Variants in PAK2 observed in about 807,000 individuals in gnomAD.
PAK2 encodes serine/threonine-protein kinase PAK 2.
A neutral mutation model predicts 65.9 loss-of-function variants in PAK2; 21 were observed. The observed-to-expected ratio is 0.32, with a 90% confidence interval of 0.23 to 0.46. PAK2 has a LOEUF of 0.46. Ranked by LOEUF, PAK2 falls within the 20% of genes least tolerant of loss-of-function variation. The probability of loss-of-function intolerance (pLI) is 1.00; values close to 1 mark genes in which losing one functional copy is unlikely to be tolerated. For missense variants in PAK2, 324 were observed against 642.6 expected (o/e 0.50, Z 5.36); for synonymous variants, 204 against 219.7 (o/e 0.93, Z 0.63).
chr3:196,777,341 CT>C (rs1714568994), intron 1 of PAK2, among the ~76,000 whole-genome samples: 1 of 152,036 alleles, frequency 6.6e-6, no homozygotes, highest in East Asian at 1.9e-4. Flanking sequence ...GTAGCTGGGA[CT>C]ACAGACACGC....
intron 7 of PAK2, among the ~76,000 whole-genome samples, chr3:196,808,664 ACTAGCCTGG>A (rs1715671067): frequency 6.6e-6 from 1 of 151,902 alleles, no homozygotes; most frequent in Non-Finnish European, 1.5e-5. Flanking sequence ...CAGGAGCAAG[ACTAGCCTGG>A]CCAATGTGGC....
intron 1 of PAK2, among the ~76,000 whole-genome samples, chr3:196,769,076 CA>C: frequency 6.6e-6 from 1 of 152,112 alleles, no homozygotes; most frequent in African/African-American, 2.4e-5. Context: ...CCTATAATCC[CA>C]GCAATTTGGG....
In PAK2 at chr3:196,775,065, A is replaced by G. The variant is rs2108733163; in HGVS notation, c.-21-7561A>G. On this transcript the variant is annotated intron_variant, in intron 1 of 14. Transcript: ENST00000327134. ...CAGTATTGTATCCAAGGCCATGCTTATATTTATTGAGATCTAGTCACTCGT... is the reference window on the plus strand; with the variant it reads ...CAGTATTGTATCCAAGGCCATGCTTGTATTTATTGAGATCTAGTCACTCGT... 2.6e-5 allele frequency among the ~76,000 whole-genome samples: 4 copies of G among 152,296 alleles called. No homozygotes were observed. The Middle Eastern group carries it at 0.014, about 518-fold the overall frequency.
chr3:196,827,395 C>T (rs62410763), intron 14 of PAK2, 62 bp downstream of exon 14: 375,532 of 1,558,352 alleles, frequency 0.24, 49,026 homozygotes, highest in African/African-American at 0.42. Context: ...CGACAGAAAG[C>T]TTTCCTAGGG....
intron 1 of PAK2, among the ~76,000 whole-genome samples, chr3:196,775,018 G>C (rs1714490410): frequency 6.6e-6 from 1 of 152,192 alleles, no homozygotes; most frequent in African/African-American, 2.4e-5. Flanking sequence ...TAAATCCCCA[G>C]CTAAGCAGCT....
In PAK2 at chr3:196,817,503, A is replaced by G. The variant is rs576852211; in HGVS notation, c.1054-554A>G. Among the ~76,000 whole-genome samples, 3 of 152,108 alleles carry G rather than the reference A, an allele frequency of 2.0e-5. No homozygotes were observed. The South Asian group carries it at 6.2e-4, about 32-fold the overall frequency. On this transcript the variant is annotated intron_variant, in intron 11 of 14. Transcript: ENST00000327134. ...GCAGCTGGGGTTACAGGTGCACACC[A>G]CCACACCCAGCTGTTTTCTTTGTAT...
At chr3:196,767,337 C>T (rs972054640) in intron 1 of PAK2, among the ~76,000 whole-genome samples, 2 of 152,104 alleles carry the variant, frequency 1.3e-5, no homozygotes, top group African/African-American at 4.8e-5. Flanking sequence ...TACTCCTAAA[C>T]ACTGTGTTAT....
At chr3:196,818,304 G>A in intron 12 of PAK2, 148 bp downstream of exon 12, 1 of 525,500 alleles carries the variant, frequency 1.9e-6, no homozygotes. Context: ...TCCTCTGAGG[G>A]TTTTAACTAA....
chr3:196,761,957 G>C (rs1184734247), intron 1 of PAK2, among the ~76,000 whole-genome samples: 2 of 124,552 alleles, frequency 1.6e-5, no homozygotes, highest in African/African-American at 6.0e-5. Context: ...GCTGCCGGGC[G>C]GAGGGGCTCC....
At chr3:196,799,245 G>T (rs1715347431) in intron 2 of PAK2, among the ~76,000 whole-genome samples, 1 of 152,148 alleles carries the variant, frequency 6.6e-6, no homozygotes, top group African/African-American at 2.4e-5. Flanking sequence ...TTTCTTTATG[G>T]CTGCAATGAA....
chr3:196,767,986 T>A (rs1714230267), intron 1 of PAK2, among the ~76,000 whole-genome samples: 1 of 152,000 alleles, frequency 6.6e-6, no homozygotes, highest in African/African-American at 2.4e-5. Flanking sequence ...TGAATAAACT[T>A]CTTGGTGAAG....
chr3:196,815,231 CTG>C, intron 11 of PAK2, among the ~76,000 whole-genome samples: 1 of 151,840 alleles, frequency 6.6e-6, no homozygotes, highest in East Asian at 1.9e-4. Flanking sequence ...TGGCTCATGC[CTG>C]TAATCCTAGC....
intron 13 of PAK2, among the ~76,000 whole-genome samples, chr3:196,821,823 A>C (rs1457840240): frequency 6.6e-6 from 1 of 152,244 alleles, no homozygotes; most frequent in Non-Finnish European, 1.5e-5. Flanking sequence ...CAGATGACCT[A>C]GCGGTTCCTC....
At chr3:196,812,119 T>G in intron 8 of PAK2, 100 bp from the exon 9 acceptor site, 1 of 765,244 alleles carries the variant, frequency 1.3e-6, no homozygotes, top group Non-Finnish European at 2.4e-6. Flanking sequence ...CATCCTGTTC[T>G]TTAATTCTTT....
At chr3:196,763,503 G>C (rs549050051) in intron 1 of PAK2, among the ~76,000 whole-genome samples, 108 of 152,218 alleles carry the variant, frequency 7.1e-4, no homozygotes, top group Non-Finnish European at 1.2e-3. Context: ...TTTCGGAATG[G>C]ACAGAAATGA....
At position 196,817,905 on chromosome 3, in the gene PAK2, A is replaced by G. The variant is rs191973836; in HGVS notation, c.1054-152A>G. On this transcript the variant is annotated intron_variant, in intron 11 of 14. Coordinates refer to ENST00000327134, the MANE Select transcript of PAK2 (RefSeq NM_002577.4). ...ATCTAATTACTTTTCATAACTTTGT[A>G]TATAAGAGAGGATGTTTTTTCTTTA... The G allele has an allele frequency of 2.8e-4, 129 of 467,064 alleles. 1 individual carries two copies. Among genetic ancestry groups the G allele is most frequent in the African/African-American group, 1.8e-3 (92 of 50,762 alleles). The allele number at this position is 467,064 out of a possible 1,614,324, so 28.9% of individuals were successfully genotyped here.
intron 1 of PAK2, among the ~76,000 whole-genome samples, chr3:196,768,184 C>T (rs1313890295): frequency 6.6e-6 from 1 of 152,056 alleles, no homozygotes; most frequent in Non-Finnish European, 1.5e-5. Flanking sequence ...GAGCACATTG[C>T]AAAACATCGG....
intron 1 of PAK2, among the ~76,000 whole-genome samples, chr3:196,759,508 T>TG (rs1713886415): frequency 2.7e-5 from 3 of 111,068 alleles, no homozygotes; most frequent in African/African-American, 8.1e-5. Flanking sequence ...GTTTTTTTTT[T>TG]TTTTTTTTTT....
At chr3:196,813,766 G>A (rs4916557) in intron 10 of PAK2, among the ~76,000 whole-genome samples, 24,669 of 151,694 alleles carry the variant, frequency 0.16, 2,153 homozygotes, top group East Asian at 0.27. Flanking sequence ...CCTGGCCAAC[G>A]TGGTGAAACC....
Sources: allele counts gnomAD v4.1 joint callset (sites outside exome capture counted in the v4.1 genomes callset), GRCh38; gene constraint gnomAD v4.1.1; transcripts MANE v1.5; gene names NCBI Gene and HGNC (gene_info 2026-07-23, HGNC 2026-07-21).